The following HVCN1 variants were observed in gnomAD, a reference collection of about 807,000 sequenced individuals.
The protein encoded by HVCN1 is hydrogen voltage gated channel 1.
In HVCN1, 14 loss-of-function variants were observed where a neutral mutation model predicts 29.2. That is an observed-to-expected ratio of 0.48 (90% confidence interval 0.32 to 0.75). The LOEUF (loss-of-function observed/expected upper bound fraction) is 0.75, where lower values mean the gene tolerates loss of function less well. Ranked by LOEUF, HVCN1 falls within the 30% of genes least tolerant of loss-of-function variation. The pLI is 0.04. For synonymous variants in HVCN1, 131 were observed against 133.2 expected, an observed-to-expected ratio of 0.98 and a Z score of 0.11; for missense variants, 263 against 341.8, an observed-to-expected ratio of 0.77 and a Z score of 1.82.
chr12:110,693,400 C>T (rs768305676), upstream of HVCN1, among the ~76,000 whole-genome samples: 16 of 151,926 alleles, frequency 1.1e-4, no homozygotes, highest in African/African-American at 1.4e-4. Context: ...CAAAATTAGC[C>T]GGGTGTGGTA....
chr12:110,681,682 G>A (rs899492144), intron 3 of HVCN1, among the ~76,000 whole-genome samples: 1 of 151,970 alleles, frequency 6.6e-6, no homozygotes. Context: ...TCATCATCCC[G>A]TGGTCATTCT....
chr12:110,695,371 T>TACACACACACAC (rs59165683), intron 2 of HVCN1, among the ~76,000 whole-genome samples: 1 of 147,966 alleles, frequency 6.8e-6, no homozygotes, highest in Admixed American at 6.8e-5. Flanking sequence ...TTATTTTGTG[T>TACACACACACAC]ACACACACAC....
chr12:110,652,937 C>T (rs1195570110), intron 5 of HVCN1, among the ~76,000 whole-genome samples: 1 of 152,160 alleles, frequency 6.6e-6, no homozygotes, highest in Non-Finnish European at 1.5e-5. Flanking sequence ...GGACCCCTGG[C>T]GTGGTGTGCC....
intron 3 of HVCN1, among the ~76,000 whole-genome samples, chr12:110,665,610 G>A (rs2068320085): frequency 1.3e-5 from 2 of 149,892 alleles, no homozygotes; most frequent in African/African-American, 4.9e-5. Context: ...GGCCAAGAAA[G>A]ACTTGAAAAC....
At chr12:110,654,941 A>G (rs900792786) in intron 5 of HVCN1, among the ~76,000 whole-genome samples, 1 of 152,134 alleles carries the variant, frequency 6.6e-6, no homozygotes, top group African/African-American at 2.4e-5. Context: ...CCATCAACAG[A>G]AGACAGGAGG....
At chr12:110,655,209 C>A (rs745552410) in intron 5 of HVCN1, 25 bp downstream of exon 5, 1 of 1,562,590 alleles carries the variant, frequency 6.4e-7, no homozygotes, top group Admixed American at 1.7e-5. Flanking sequence ...ATCAGTAAGA[C>A]CCCAGAAGAG....
rs568757109 is a variant in HVCN1, at chr12:110,679,934, G to A, written c.21+3291C>T. 2.6e-5 allele frequency among the ~76,000 whole-genome samples: 4 copies of A among 151,694 alleles called. No individual in the cohort carries two copies. In the East Asian group the frequency reaches 5.8e-4, roughly 22 times the overall value. On this transcript the variant is annotated intron_variant, in intron 3 of 7. Transcript: ENST00000242607. ...GCAGAGAGGGGCTCTGAGGAGGGCC[G>A]ATGAGGCTATCTCAGCAGAACTGCA...
upstream of HVCN1, among the ~76,000 whole-genome samples, chr12:110,691,596 A>G (rs1474166049): frequency 1.3e-5 from 2 of 152,144 alleles, no homozygotes; most frequent in African/African-American, 4.8e-5. Flanking sequence ...TGGTTGAGGA[A>G]GGGAAAAGGG....
chr12:110,676,106 C>T lies in HVCN1; in HGVS notation c.21+7119G>A, dbSNP rs1024483186. ...TAACACCACCCAGGCAGGGCCAGAGCGGCTGTCCCCAGTCCTAGCTTCACT... is the reference window on the plus strand; with the variant it reads ...TAACACCACCCAGGCAGGGCCAGAGTGGCTGTCCCCAGTCCTAGCTTCACT... On this transcript the variant is annotated intron_variant, in intron 3 of 7. Transcript: ENST00000242607. The surrounding 1 kb of genome is among the most constrained non-coding windows in gnomAD (Gnocchi z 4.1). Among the ~76,000 whole-genome samples, 13 of 152,144 alleles carry T rather than the reference C, an allele frequency of 8.5e-5. No homozygotes were observed. The highest frequency in any genetic ancestry group is 3.3e-4 in the Admixed American group (5 of 15,282).
At chr12:110,656,118 C>T (rs545082619) in intron 4 of HVCN1, among the ~76,000 whole-genome samples, 1 of 152,304 alleles carries the variant, frequency 6.6e-6, no homozygotes, top group African/African-American at 2.4e-5. Context: ...CTGGAAGGGA[C>T]CTTGGGGACT....
At chr12:110,700,328 A>T (rs1374526333) in intron 2 of HVCN1, among the ~76,000 whole-genome samples, 1 of 152,150 alleles carries the variant, frequency 6.6e-6, no homozygotes, top group Non-Finnish European at 1.5e-5. Flanking sequence ...CTCCAATGGG[A>T]CTTAAACTCT....
chr12:110,656,600 C>A (rs1427436922), intron 4 of HVCN1, among the ~76,000 whole-genome samples: 1 of 152,126 alleles, frequency 6.6e-6, no homozygotes, highest in African/African-American at 2.4e-5. Context: ...CAGGGCCTTG[C>A]CGCTCACACT....
chr12:110,677,077 C>T (rs769344837), intron 3 of HVCN1, among the ~76,000 whole-genome samples: 3 of 151,994 alleles, frequency 2.0e-5, no homozygotes, highest in Admixed American at 6.6e-5. Context: ...TAGTGGTGCT[C>T]GCCTCTAGTC....
chr12:110,671,474 A>G lies in HVCN1; in HGVS notation c.22-10026T>C, dbSNP rs550693161. Among the ~76,000 whole-genome samples the G allele has an allele frequency of 9.4e-4, 143 of 152,280 alleles. 1 individual carries two copies. Among genetic ancestry groups the G allele is most frequent in the Middle Eastern group, 3.4e-3 (1 of 294 alleles). On this transcript the variant is annotated intron_variant, in intron 3 of 7. Transcript: ENST00000242607. ...CACATCTCCCCATCCCAAAGCGTCC[A>G]GGAGCCAGTCCTGCCAACACCTTGA...
Position 110,661,576 on chromosome 12 carries a change from A to G in HVCN1, c.22-128T>C, listed in dbSNP as rs887174076. ...TGCGTAGAACCCCCTGCAAGCAGAGACCATGAGGTCACGGTGGTTTCTCGT... is the reference window on the plus strand; with the variant it reads ...TGCGTAGAACCCCCTGCAAGCAGAGGCCATGAGGTCACGGTGGTTTCTCGT... On this transcript the variant is annotated intron_variant, in intron 3 of 7. Coordinates refer to ENST00000242607, the MANE Select transcript of HVCN1 (RefSeq NM_032369.4). The surrounding 1 kb of genome is among the most constrained non-coding windows in gnomAD (Gnocchi z 6.2). 19 of 775,128 alleles carry G rather than the reference A, an allele frequency of 2.5e-5. No homozygotes were observed. In the Admixed American group the frequency reaches 5.0e-4, roughly 21 times the overall value. The allele number at this position is 775,128 out of a possible 1,614,324, so 48.0% of individuals were successfully genotyped here. A position where few individuals can be genotyped will look rare whatever the true frequency, so the allele number is the denominator to read the frequency against.
intron 3 of HVCN1, among the ~76,000 whole-genome samples, chr12:110,665,639 C>A (rs1298713950): frequency 6.6e-6 from 1 of 151,384 alleles, no homozygotes; most frequent in Non-Finnish European, 1.5e-5. Context: ...CAAATATATT[C>A]AAGGATTTCA....
chr12:110,689,190 C>T (rs2069334287), upstream of HVCN1: 1 of 151,508 alleles, frequency 6.6e-6, no homozygotes, highest in African/African-American at 2.4e-5. The surrounding 1 kb of genome is among the most constrained non-coding windows in gnomAD (Gnocchi z 5.7). Flanking sequence ...CCCGGGCCGC[C>T]CCCGCCCCCG....
At chr12:110,683,927 G>GAAAAAAAAAAAAGGA (rs543302185) in intron 2 of HVCN1, among the ~76,000 whole-genome samples, 39 of 111,972 alleles carry the variant, frequency 3.5e-4, no homozygotes, top group African/African-American at 1.2e-3. Context: ...AAAAAAAAAG[G>GAAAAAAAAAAAAGGA]AAAAAAAAAA....
At chr12:110,659,832 C>A (rs2068107870) in intron 4 of HVCN1, among the ~76,000 whole-genome samples, 1 of 152,196 alleles carries the variant, frequency 6.6e-6, no homozygotes, top group Non-Finnish European at 1.5e-5. Flanking sequence ...CTTTGGGAGG[C>A]TGACACGGGT....
Sources: gnomAD v4.1 joint callset for allele counts (sites outside exome capture counted in the v4.1 genomes callset) on GRCh38, gnomAD v4.1.1 for gene constraint, Gnocchi (gnomAD v3.1) non-coding constraint, MANE v1.5 for transcripts, NCBI Gene and HGNC (gene_info 2026-07-23, HGNC 2026-07-21) for gene names.